Variants in SH3GL2 observed in about 807,000 individuals in gnomAD.
SH3GL2 encodes the protein SH3 domain containing GRB2 like 2, endophilin A1.
Under a neutral mutation model 46.0 loss-of-function variants are expected in SH3GL2, and 24 were observed. The ratio of observed to expected loss-of-function variants is 0.52; its 90% CI spans 0.38 to 0.73. The LOEUF (loss-of-function observed/expected upper bound fraction) is 0.73, where lower values mean the gene tolerates loss of function less well. Ranked by LOEUF, SH3GL2 falls within the 30% of genes least tolerant of loss-of-function variation. SH3GL2 has a pLI of 0.00. For missense variants in SH3GL2, 413 were observed against 424.2 expected (o/e 0.97, Z 0.23); for synonymous variants, 196 against 147.1 (o/e 1.33, Z -2.40).
intron 1 of SH3GL2, among the ~76,000 whole-genome samples, chr9:17,727,756 A>G: frequency 6.6e-6 from 1 of 152,160 alleles, no homozygotes; most frequent in East Asian, 1.9e-4. Flanking sequence ...GGGACCCAGC[A>G]GAATTGAGCC....
intron 1 of SH3GL2, among the ~76,000 whole-genome samples, chr9:17,625,074 T>G (rs904591743): frequency 6.6e-6 from 1 of 152,160 alleles, no homozygotes; most frequent in African/African-American, 2.4e-5. Context: ...TGGCCATACT[T>G]TTTTTGGGAG....
intron 1 of SH3GL2, among the ~76,000 whole-genome samples, chr9:17,680,822 A>G (rs1227750776): frequency 1.3e-5 from 2 of 151,930 alleles, no homozygotes; most frequent in Non-Finnish European, 2.9e-5. Context: ...AGATTCTGGT[A>G]TGTTGTGTCT....
At chr9:17,758,658 T>C (rs1823079293) in intron 2 of SH3GL2, among the ~76,000 whole-genome samples, 1 of 150,026 alleles carries the variant, frequency 6.7e-6, no homozygotes, top group Non-Finnish European at 1.5e-5. Context: ...TTTAGTATAA[T>C]TCCTGATAAT....
chr9:17,764,461 A>C (rs1376898163), intron 3 of SH3GL2, among the ~76,000 whole-genome samples: 1 of 152,204 alleles, frequency 6.6e-6, no homozygotes, highest in Non-Finnish European at 1.5e-5. Context: ...CAGTTTGCTA[A>C]ATACTTTGCC....
At chr9:17,748,896 G>A (rs974757989) in intron 2 of SH3GL2, among the ~76,000 whole-genome samples, 6 of 152,164 alleles carry the variant, frequency 3.9e-5, no homozygotes, top group African/African-American at 1.4e-4. Flanking sequence ...GAAACAGCAT[G>A]CAAGCAGGCA....
At chr9:17,716,570 T>G (rs918970059) in intron 1 of SH3GL2, among the ~76,000 whole-genome samples, 2 of 152,156 alleles carry the variant, frequency 1.3e-5, no homozygotes, top group Admixed American at 1.3e-4. Flanking sequence ...TACTGTTCCC[T>G]CTACTGTTTT....
At chr9:17,769,245 C>G (rs1039537449) in intron 3 of SH3GL2, among the ~76,000 whole-genome samples, 1 of 152,172 alleles carries the variant, frequency 6.6e-6, no homozygotes, top group Admixed American at 6.5e-5. Context: ...TCACTGCTAC[C>G]GAAATGCAGT....
Position 17,791,303 on chromosome 9 carries a change from C to T in SH3GL2, c.697C>T (p.Leu233=), listed in dbSNP as rs764087662. 2 of 1,613,250 alleles carry T rather than the reference C, an allele frequency of 1.2e-6. No individual in the cohort carries two copies. The highest frequency in any genetic ancestry group is 8.5e-7 in the Non-Finnish European group (1 of 1,179,258). ...LEYHKQAVQI[L]QQVTVRLEER... ...GTACCACAAGCAGGCAGTCCAGATC[C>T]TGCAGCAAGTCACGGTCAGACTGGA... Residue 233 remains leucine, a synonymous_variant, in exon 7 of 9, where the codon CTG becomes TTG. Transcript: ENST00000380607.
intron 3 of SH3GL2, among the ~76,000 whole-genome samples, chr9:17,772,464 AAG>A (rs1823512569): frequency 6.6e-6 from 1 of 152,150 alleles, no homozygotes; most frequent in Admixed American, 6.6e-5. Flanking sequence ...TGTCTTGTAA[AAG>A]TAAAACTCTA....
chr9:17,777,621 C>T (rs1383734082), intron 3 of SH3GL2, among the ~76,000 whole-genome samples: 2 of 150,440 alleles, frequency 1.3e-5, no homozygotes, highest in Admixed American at 1.3e-4. Flanking sequence ...GATGAGGGCT[C>T]TCTTCCTGGC....
At chr9:17,623,241 T>C (rs1588181599) in intron 1 of SH3GL2, among the ~76,000 whole-genome samples, 1 of 151,916 alleles carries the variant, frequency 6.6e-6, no homozygotes, top group East Asian at 1.9e-4. Context: ...GTGTCTAAGG[T>C]CCCTACGATA....
At chr9:17,791,955 G>A (rs1426170540) in intron 7 of SH3GL2, among the ~76,000 whole-genome samples, 3 of 152,210 alleles carry the variant, frequency 2.0e-5, no homozygotes, top group Non-Finnish European at 4.4e-5. Context: ...TGGAGTTGTG[G>A]GGCACAGCCT....
chr9:17,604,154 C>T (rs1302641830), intron 1 of SH3GL2, among the ~76,000 whole-genome samples: 1 of 152,116 alleles, frequency 6.6e-6, no homozygotes, highest in Non-Finnish European at 1.5e-5. Context: ...AACTGGGTCT[C>T]AGAAGTGAGG....
chr9:17,686,065 G>A (rs1382545608), intron 1 of SH3GL2, among the ~76,000 whole-genome samples: 2 of 140,160 alleles, frequency 1.4e-5, no homozygotes, highest in African/African-American at 2.9e-5. Context: ...CTAATATCCA[G>A]AATCTACAAT....
chr9:17,580,591 T>G (rs1302275322), intron 1 of SH3GL2, among the ~76,000 whole-genome samples: 1 of 152,212 alleles, frequency 6.6e-6, no homozygotes, highest in African/African-American at 2.4e-5. Context: ...ATGTAATTAT[T>G]TTTGCTTTTC....
At chr9:17,786,075 G>A (rs887816568) in intron 3 of SH3GL2, among the ~76,000 whole-genome samples, 30 of 152,162 alleles carry the variant, frequency 2.0e-4, no homozygotes, top group African/African-American at 7.2e-4. Flanking sequence ...CACTGCAGGG[G>A]CCACCACAGT....
At chr9:17,677,623 GGT>G (rs993742812) in intron 1 of SH3GL2, among the ~76,000 whole-genome samples, 9 of 130,364 alleles carry the variant, frequency 6.9e-5, no homozygotes, top group Middle Eastern at 3.6e-3. Context: ...TAAATTGTAT[GGT>G]ATATATATAT....
Position 17,787,386 on chromosome 9 carries a change from C to T in SH3GL2, c.338C>T (p.Ala113Val). 1 of 1,612,658 alleles carries T rather than the reference C, an allele frequency of 6.2e-7. No individual in the cohort carries two copies. The highest frequency in any genetic ancestry group is 1.1e-5 in the South Asian group (1 of 91,002). ...GAGCTTTATTCTCTCCTAGGCCCAG[C>T]ACTTGGTGAGGTCGGGGAGGCCATG... ...ELGDDCNFGP[A>V]LGEVGEAMRE... is the part of the protein sequence containing the mutation. Residue 113 changes from alanine to valine, a missense_variant, in exon 5 of 9, where the codon GCA (alanine) becomes GTA (valine). Coordinates refer to ENST00000380607, the MANE Select transcript of SH3GL2 (RefSeq NM_003026.5).
chr9:17,675,732 G>A (rs1820591347), intron 1 of SH3GL2, among the ~76,000 whole-genome samples: 1 of 152,196 alleles, frequency 6.6e-6, no homozygotes, highest in Non-Finnish European at 1.5e-5. Flanking sequence ...GGATCACGAG[G>A]TCAGGAGATT....
Sources: gnomAD v4.1 joint callset for allele counts (sites outside exome capture counted in the v4.1 genomes callset) on GRCh38, gnomAD v4.1.1 for gene constraint, MANE v1.5 for transcripts, NCBI Gene and HGNC (gene_info 2026-07-23, HGNC 2026-07-21) for gene names.